Variants in PTPN1 observed in about 807,000 individuals in gnomAD.
PTPN1 encodes tyrosine-protein phosphatase non-receptor type 1.
Under a neutral mutation model 59.9 loss-of-function variants are expected in PTPN1, and 12 were observed. That is an observed-to-expected ratio of 0.20 (90% CI 0.13 to 0.32). The LOEUF (loss-of-function observed/expected upper bound fraction) is 0.32. Among genes scored for constraint, PTPN1 ranks in the 10% least tolerant of loss-of-function variants. PTPN1 has a pLI of 1.00. For missense variants in PTPN1, 356 were observed against 549.2 expected, an observed-to-expected ratio of 0.65 and a Z score of 3.52; for synonymous variants, 178 against 203.6, an observed-to-expected ratio of 0.87 and a Z score of 1.07.
At chr20:50,522,920 ATT>A (rs11287235) in intron 1 of PTPN1, among the ~76,000 whole-genome samples, 3,302 of 140,344 alleles carry the variant, frequency 0.024, 58 homozygotes, top group African/African-American at 0.045. Flanking sequence ...TGCCCGGCTA[ATT>A]TTTTTTTTTT....
chr20:50,524,957 G>A (rs576552499), intron 1 of PTPN1, among the ~76,000 whole-genome samples: 1 of 152,244 alleles, frequency 6.6e-6, no homozygotes, highest in African/African-American at 2.4e-5. Context: ...AAAAACTCAA[G>A]TGTACTGATA....
At chr20:50,511,125 G>C (rs986010685) in intron 1 of PTPN1, among the ~76,000 whole-genome samples, 2 of 152,168 alleles carry the variant, frequency 1.3e-5, no homozygotes, top group African/African-American at 4.8e-5. Context: ...GATAGGAGTT[G>C]GCAAGCTTAT....
chr20:50,553,505 G>A (rs1446629720), intron 1 of PTPN1, among the ~76,000 whole-genome samples: 1 of 152,162 alleles, frequency 6.6e-6, no homozygotes, highest in East Asian at 1.9e-4. Context: ...CAACTGTTGG[G>A]GAGTGGATAA....
intron 1 of PTPN1, among the ~76,000 whole-genome samples, chr20:50,524,567 G>GTTTTTTT (rs1386022104): frequency 2.3e-4 from 15 of 64,102 alleles, no homozygotes; most frequent in African/African-American, 8.7e-4. Flanking sequence ...CCATTATGTG[G>GTTTTTTT]TCTTTTTTTT....
chr20:50,579,458 ATAGC>A lies in PTPN1; in HGVS notation c.864+133_864+136del, dbSNP rs981374473. ...GAAATAGCTACCCTTCATGTTTAAAATAGCTAGAAAGTTGTCAAAATGTTCACCA... is the reference window on the plus strand; with the variant it reads ...GAAATAGCTACCCTTCATGTTTAAAATAGAAAGTTGTCAAAATGTTCACCA... On this transcript the variant is annotated intron_variant, in intron 7 of 9. Transcript: ENST00000371621. 32 of 1,185,374 alleles carry A rather than the reference ATAGC, an allele frequency of 2.7e-5. No individual in the cohort carries two copies. In the African/African-American group the frequency reaches 4.7e-4, roughly 18 times the overall value. The allele number at this position is 1,185,374 out of a possible 1,614,324, so 73.4% of individuals were successfully genotyped here.
At chr20:50,511,783 C>T (rs2082508631) in intron 1 of PTPN1, among the ~76,000 whole-genome samples, 1 of 152,104 alleles carries the variant, frequency 6.6e-6, no homozygotes, top group African/African-American at 2.4e-5. Flanking sequence ...CTTAAATAAG[C>T]GATATACAGA....
intron 1 of PTPN1, among the ~76,000 whole-genome samples, chr20:50,523,785 C>T (rs1218073912): frequency 6.6e-6 from 1 of 152,090 alleles, no homozygotes; most frequent in East Asian, 1.9e-4. Context: ...GAAAAGGTAT[C>T]TAATTGGGAT....
intron 1 of PTPN1, among the ~76,000 whole-genome samples, chr20:50,539,539 G>A (rs191422253): frequency 1.8e-3 from 278 of 151,848 alleles, no homozygotes; most frequent in Middle Eastern, 3.4e-3. Flanking sequence ...TTGTCTTCTG[G>A]TATAAAGCAT....
rs2082866461 is a variant in PTPN1 at position 50,581,173 on chromosome 20, G to C, written c.1089-92G>C. The C allele has an allele frequency of 1.3e-5, 19 of 1,495,466 alleles. No individual in the cohort carries two copies. The South Asian group carries it at 2.2e-4, about 17-fold the overall frequency. 92.6% of individuals were successfully genotyped at this position (1,495,466 alleles called of 1,614,324 possible). ...ATCCAACTCTGTCTACACGTGGCTTGTTTTTTCCTAGAATTCCTGCCACAA... is the reference window on the plus strand; with the variant it reads ...ATCCAACTCTGTCTACACGTGGCTTCTTTTTTCCTAGAATTCCTGCCACAA... On this transcript the variant is annotated intron_variant, in intron 8 of 9. Transcript: ENST00000371621.
intron 1 of PTPN1, among the ~76,000 whole-genome samples, chr20:50,545,770 C>G (rs1018004425): frequency 6.6e-6 from 1 of 152,082 alleles, no homozygotes; most frequent in African/African-American, 2.4e-5. Context: ...AATCCCAGCA[C>G]TTTGGGAGGC....
chr20:50,576,661 G>T (rs1409179793), intron 5 of PTPN1, among the ~76,000 whole-genome samples: 4 of 151,636 alleles, frequency 2.6e-5, no homozygotes, highest in African/African-American at 9.7e-5. Flanking sequence ...GAGGCCAGGG[G>T]TTCAAGACCA....
intron 1 of PTPN1, among the ~76,000 whole-genome samples, chr20:50,538,056 G>A (rs1238249332): frequency 6.6e-6 from 1 of 152,100 alleles, no homozygotes; most frequent in East Asian, 1.9e-4. Flanking sequence ...CTGCCTCTCT[G>A]GGGAACAAAT....
Position 50,582,873 on chromosome 20 carries a change from C to T in PTPN1, c.*158C>T, listed in dbSNP as rs142076176. The T allele has an allele frequency of 2.4e-4, 188 of 783,938 alleles. 1 individual carries two copies. The highest frequency in any genetic ancestry group is 2.0e-3 in the East Asian group (76 of 37,260). The allele number at this position is 783,938 out of a possible 1,614,324, so 48.6% of individuals were successfully genotyped here. Reference sequence around the variant, plus strand: ...GTTCTGCACTAAAACCCATCTTCCCCGGATGTGTGTCTCACCCCTCATCCT... The same window carrying T: ...GTTCTGCACTAAAACCCATCTTCCCTGGATGTGTGTCTCACCCCTCATCCT... On this transcript the variant is annotated 3_prime_UTR_variant, in exon 10 of 10. Transcript: ENST00000371621. This position sits in a 1 kb window ranked among gnomAD's most constrained non-coding sequence, Gnocchi z 4.2.
At chr20:50,552,137 T>A (rs2082704402) in intron 1 of PTPN1, among the ~76,000 whole-genome samples, 1 of 152,236 alleles carries the variant, frequency 6.6e-6, no homozygotes, top group African/African-American at 2.4e-5. Context: ...CTCGTTTTGC[T>A]GTTACGGTAC....
rs372777767 is a variant in PTPN1 at position 50,568,680 on chromosome 20, G to A, written c.354+202G>A. 1.3e-3 allele frequency among the ~76,000 whole-genome samples: 194 copies of A among 152,316 alleles called. No homozygotes were observed. The highest frequency in any genetic ancestry group is 4.4e-3 in the African/African-American group (182 of 41,562). ...ATGAAGTGAATAAAAGGGAGGAGGC[G>A]GAAGAACTGCACGGACCTCTTCGCC... On this transcript the variant is annotated intron_variant, in intron 4 of 9. Transcript: ENST00000371621. This position sits in a 1 kb window ranked among gnomAD's most constrained non-coding sequence, Gnocchi z 5.6.
chr20:50,561,242 C>A, intron 1 of PTPN1, 121 bp from the exon 2 acceptor site: 1 of 750,054 alleles, frequency 1.3e-6, no homozygotes, highest in Non-Finnish European at 2.2e-6. Context: ...TGGCCTGGTA[C>A]ATACCTCTGA....
At chr20:50,550,136 G>A (rs1372120089) in intron 1 of PTPN1, among the ~76,000 whole-genome samples, 2 of 151,950 alleles carry the variant, frequency 1.3e-5, no homozygotes, top group Admixed American at 1.3e-4. Context: ...TACACTGTGT[G>A]TTCACTTACT....
chr20:50,548,815 T>G (rs2122761300), intron 1 of PTPN1, among the ~76,000 whole-genome samples: 1 of 152,318 alleles, frequency 6.6e-6, no homozygotes, highest in South Asian at 2.1e-4. Context: ...CCTCCTGGGT[T>G]CATGCGATTC....
chr20:50,559,792 TTTTC>T (rs1356404591), intron 1 of PTPN1, among the ~76,000 whole-genome samples: 5 of 152,152 alleles, frequency 3.3e-5, no homozygotes. Flanking sequence ...ATGCAAGATC[TTTTC>T]TTTCTGAGTA....
Sources: allele counts gnomAD v4.1 joint callset (sites outside exome capture counted in the v4.1 genomes callset), GRCh38; gene constraint gnomAD v4.1.1; non-coding constraint Gnocchi (gnomAD v3.1); transcripts MANE v1.5; gene names NCBI Gene and HGNC (gene_info 2026-07-23, HGNC 2026-07-21).